ITGB2: variants seen among roughly 807,000 people sequenced by gnomAD.
ITGB2 encodes integrin subunit beta 2.
In ITGB2, 56 loss-of-function variants were observed where a neutral mutation model predicts 86.8. The ratio of observed to expected loss-of-function variants is 0.65; its 90% CI spans 0.52 to 0.81. The LOEUF (loss-of-function observed/expected upper bound fraction) is 0.81. ITGB2 is among the 30% of genes least tolerant of loss of function. ITGB2 has a pLI of 0.00. For synonymous variants in ITGB2, 457 were observed against 450.4 expected (o/e 1.01, Z -0.19); for missense variants, 948 against 1,061.2 (o/e 0.89, Z 1.48).
rs764387110 is a variant in ITGB2 at position 44,886,372 on chromosome 21, C to G, written c.2306G>C (p.Ser769Thr). 1 of 1,614,118 alleles carries G rather than the reference C, an allele frequency of 6.2e-7. No homozygotes were observed. Among genetic ancestry groups the G allele is most frequent in the Non-Finnish European group, 8.5e-7 (1 of 1,179,966 alleles). ...CCTTGTCTTCACCAAGTGCTCCTAA[C>G]TCTCAGCAAACTTGGGGTTCATGAC... is the stretch of plus-strand genomic sequence containing the variant. ...TTVMNPKFAES is the reference protein window; with the variant it reads ...TTVMNPKFAET Residue 769 changes from serine (S) to threonine (T), a missense_variant, in exon 16 of 16, where the codon AGT becomes ACT. Coordinates refer to ENST00000652462, the MANE Select transcript of ITGB2 (RefSeq NM_000211.5).
At chr21:44,914,618 A>G (rs1382986754) in intron 1 of ITGB2, among the ~76,000 whole-genome samples, 1 of 152,188 alleles carries the variant, frequency 6.6e-6, no homozygotes, top group Admixed American at 6.5e-5. Flanking sequence ...ACAGGAGAAC[A>G]GGAGCAAACA....
At chr21:44,924,903 A>T (rs936262590), upstream of ITGB2, among the ~76,000 whole-genome samples, 2 of 152,188 alleles carry the variant, frequency 1.3e-5, no homozygotes, top group East Asian at 1.9e-4. Context: ...CTGCAGACCC[A>T]CACACCCCTA....
chr21:44,901,300 G>A (rs982870258), intron 6 of ITGB2, among the ~76,000 whole-genome samples, 192 bp downstream of exon 6: 40 of 152,212 alleles, frequency 2.6e-4, no homozygotes, highest in Admixed American at 7.2e-4. Flanking sequence ...TCGAGCCCTC[G>A]TGGTCACCCT....
intron 6 of ITGB2, among the ~76,000 whole-genome samples, chr21:44,900,862 C>A (rs1388387841): frequency 6.6e-6 from 1 of 152,246 alleles, no homozygotes; most frequent in Non-Finnish European, 1.5e-5. Flanking sequence ...CTGAGGGGCC[C>A]AGCAGGCCTT....
chr21:44,925,100 T>C (rs562327668), upstream of ITGB2, among the ~76,000 whole-genome samples: 3 of 151,954 alleles, frequency 2.0e-5, no homozygotes, highest in East Asian at 5.8e-4. Flanking sequence ...GTACTAGTGC[T>C]CTCCATGCTG....
intron 14 of ITGB2, among the ~76,000 whole-genome samples, 183 bp downstream of exon 14, chr21:44,888,510 C>T (rs929626885): frequency 6.6e-6 from 1 of 152,176 alleles, no homozygotes; most frequent in African/African-American, 2.4e-5. Context: ...GGGGAGGCTG[C>T]TGGGGGTGAG....
Position 44,886,862 on chromosome 21 carries a change from G to T in ITGB2, c.2121C>A (p.Gly707=), listed in dbSNP as rs138050043. 1.7e-5 allele frequency: 27 copies of T among 1,613,486 alleles called. No homozygotes were observed. Among genetic ancestry groups the T allele is most frequent in the Non-Finnish European group, 2.3e-5 (27 of 1,179,974 alleles). ...CGATCAGCACGATGCCTGCCACGGT[G>T]CCCCCGACGATGGCGGCGATGTTGG... The part of the protein sequence containing the change: ...AGPNIAAIVG[G]TVAGIVLIGI... The change falls in exon 15 of 16, where the codon GGC becomes GGA. Residue 707 remains glycine (G), a synonymous_variant. Coordinates refer to ENST00000652462, the MANE Select transcript of ITGB2 (RefSeq NM_000211.5).
chr21:44,890,238 G>GC lies in ITGB2; in HGVS notation c.1413-17dup. On this transcript the variant is annotated splice_polypyrimidine_tract_variant and intron_variant, in intron 11 of 15. Coordinates refer to ENST00000652462, the MANE Select transcript of ITGB2 (RefSeq NM_000211.5). ...AGTGTCACACCTGGGGACAGGAGGGGCCCCAAGGTCAGGCTCCCCCCAGTG... is the reference window on the plus strand; with the variant it reads ...AGTGTCACACCTGGGGACAGGAGGGGCCCCCAAGGTCAGGCTCCCCCCAGTG... 3 of 1,612,628 alleles carry GC rather than the reference G, an allele frequency of 1.9e-6. No individual in the cohort carries two copies. The highest frequency in any genetic ancestry group is 2.5e-6 in the Non-Finnish European group (3 of 1,179,978).
intron 9 of ITGB2, chr21:44,894,557 G>T (rs556453362): frequency 3.2e-6 from 1 of 311,744 alleles, no homozygotes; most frequent in Non-Finnish European, 6.4e-6. Flanking sequence ...CCCAGGACAG[G>T]TGAACAGAGC....
At chr21:44,918,570 C>A (rs1351028837) in intron 1 of ITGB2, among the ~76,000 whole-genome samples, 1 of 152,224 alleles carries the variant, frequency 6.6e-6, no homozygotes, top group Non-Finnish European at 1.5e-5. Context: ...TCACCCCATG[C>A]CCCTTCCAGA....
chr21:44,886,694 C>G, intron 15 of ITGB2, 42 bp downstream of exon 15: 1 of 1,612,774 alleles, frequency 6.2e-7, no homozygotes, highest in Non-Finnish European at 8.5e-7. Flanking sequence ...GTGTGGGACG[C>G]ACGTGCCCCT....
chr21:44,919,879 T>C (rs749804349), intron 1 of ITGB2, among the ~76,000 whole-genome samples: 1 of 151,746 alleles, frequency 6.6e-6, no homozygotes, highest in African/African-American at 2.4e-5. Context: ...GGAGGATGCA[T>C]GGGGAGGGCT....
At chr21:44,886,574 G>A in intron 15 of ITGB2, 144 bp from the exon 16 acceptor site, 1 of 1,401,510 alleles carries the variant, frequency 7.1e-7, no homozygotes, top group Non-Finnish European at 1.0e-6. Flanking sequence ...CCCAGCACCG[G>A]CAGCCAAGCT....
intron 1 of ITGB2, among the ~76,000 whole-genome samples, chr21:44,916,386 C>CA (rs925724683): frequency 5.3e-5 from 8 of 152,142 alleles, no homozygotes; most frequent in African/African-American, 1.9e-4. Flanking sequence ...GACAAGGGGA[C>CA]ACCACTCCTC....
At chr21:44,899,221 C>A (rs1601299684) in intron 7 of ITGB2, 59 bp from the exon 8 acceptor site, 17 of 1,265,038 alleles carry the variant, frequency 1.3e-5, no homozygotes, top group Non-Finnish European at 1.7e-5. Flanking sequence ...TTCCAGGTAC[C>A]CGCCCCTGTC....
intron 3 of ITGB2, chr21:44,908,116 C>T (rs1332306865): frequency 1.4e-6 from 1 of 726,702 alleles, no homozygotes; most frequent in East Asian, 2.6e-5. Context: ...CAGACGGGAG[C>T]CACCCGGCTT....
chr21:44,895,878 A>AT (rs1568887092), intron 8 of ITGB2, among the ~76,000 whole-genome samples: 11 of 125,020 alleles, frequency 8.8e-5, no homozygotes, highest in African/African-American at 5.1e-4. Flanking sequence ...AATGAAATAA[A>AT]AAAATAAATA....
rs376737094 is a variant in ITGB2 at position 44,892,969 on chromosome 21, G to A, written c.1224+435C>T. On this transcript the variant is annotated intron_variant, in intron 10 of 15. Transcript: ENST00000652462. ...TGTGTCCGGCGTCTGCCCCCAGGGGGCGCAGCCATCACTCCATCCCTCAGT... is the reference window on the plus strand; with the variant it reads ...TGTGTCCGGCGTCTGCCCCCAGGGGACGCAGCCATCACTCCATCCCTCAGT... 230 of 214,300 alleles carry A rather than the reference G, an allele frequency of 1.1e-3. 4 individuals carry two copies. In the South Asian group the frequency reaches 0.011, roughly 10 times the overall value. The allele number at this position is 214,300 out of a possible 1,614,324, so 13.3% of individuals were successfully genotyped here.
chr21:44,919,458 C>T (rs574937817), intron 1 of ITGB2, among the ~76,000 whole-genome samples: 6 of 152,252 alleles, frequency 3.9e-5, no homozygotes, highest in African/African-American at 1.4e-4. Flanking sequence ...TGCTGGCCCC[C>T]GGGGATTCTG....
Sources: gnomAD v4.1 joint callset for allele counts (sites outside exome capture counted in the v4.1 genomes callset) on GRCh38, gnomAD v4.1.1 for gene constraint, MANE v1.5 for transcripts, NCBI Gene and HGNC (gene_info 2026-07-23, HGNC 2026-07-21) for gene names.